The following ZNF446 variants were observed in gnomAD, a reference collection of about 807,000 sequenced individuals.
ZNF446 encodes the protein zinc finger protein with KRAB and SCAN domains 20.
ZNF446 carries 42 observed loss-of-function variants against 34.0 expected under a neutral mutation model. That is an observed-to-expected ratio of 1.23 (90% CI 0.96 to 1.60). The LOEUF (loss-of-function observed/expected upper bound fraction) is 1.60, where lower values mean the gene tolerates loss of function less well. ZNF446 is among the 40% of genes most tolerant of loss of function. The pLI is 0.00. For synonymous variants in ZNF446, 315 were observed against 251.0 expected, an observed-to-expected ratio of 1.25 and a Z score of -2.41; for missense variants, 650 against 600.2, an observed-to-expected ratio of 1.08 and a Z score of -0.87.
In ZNF446 at chr19:58,477,803, C is replaced by A; in HGVS notation, c.509C>A (p.Pro170His). The A allele has an allele frequency of 6.3e-7, 1 of 1,575,448 alleles. No homozygotes were observed. The highest frequency in any genetic ancestry group is 8.6e-7 in the Non-Finnish European group (1 of 1,163,090). ...CTCAGCTGCAGTGTGAAGGAGGAGC[C>A]CAATGTCGATGGACAGGAAGTGGGT... Reference protein sequence around the residue: ...VQLSCSVKEEPNVDGQEVAPS... With the variant: ...VQLSCSVKEEHNVDGQEVAPS... Residue 170 changes from proline to histidine, a missense_variant, in exon 3 of 7, where the codon CCC becomes CAC. Physicochemically the swap from Pro to His is moderately conservative, Grantham distance 77. Coordinates refer to ENST00000594369, the MANE Select transcript of ZNF446 (RefSeq NM_017908.4).
Position 58,480,190 on chromosome 19 carries a change from G to A in ZNF446, c.817G>A (p.Gly273Ser). 1 of 1,594,656 alleles carries A rather than the reference G, an allele frequency of 6.3e-7. No homozygotes were observed. The highest frequency in any genetic ancestry group is 8.5e-7 in the Non-Finnish European group (1 of 1,177,822). The change falls in exon 7 of 7, where the codon GGT becomes AGT. Residue 273 changes from glycine (G) to serine (S), a missense_variant. By Grantham distance (56) the Gly-to-Ser change is moderately conservative. Coordinates refer to ENST00000594369, the MANE Select transcript of ZNF446 (RefSeq NM_017908.4). This position sits in a 1 kb window ranked among gnomAD's most constrained non-coding sequence, Gnocchi z 7.2. ...RSLRSGNESE[G>S]PPGCPEAQPP... The stretch of plus-strand genomic sequence containing the variant: ...CCTGCCCCCAGGAAATGAGAGTGAG[G>A]GTCCACCTGGCTGCCCAGAGGCCCA...
At chr19:58,486,240 G>A in the ZNF446 span, among the ~76,000 whole-genome samples, 2 of 150,430 alleles carry the variant, frequency 1.3e-5, no homozygotes, top group East Asian at 2.0e-4. Context: ...CTACAGGCAC[G>A]TGCCACCACG....
chr19:58,477,311 G>A lies in ZNF446; in HGVS notation c.93G>A (p.Gly31=), dbSNP rs753393525. ...AGACTGCCCGCCTCCGCTTCCGAGG[G>A]TTCTGCTACCAGGAGGTGGCAGGTC... The part of the protein sequence containing the change: ...EPETARLRFR[G]FCYQEVAGPR... The change falls in exon 2 of 7, where the codon GGG becomes GGA. Residue 31 remains glycine (G), a synonymous_variant. Coordinates refer to ENST00000594369, the MANE Select transcript of ZNF446 (RefSeq NM_017908.4). 5 of 1,613,260 alleles carry A rather than the reference G, an allele frequency of 3.1e-6. No homozygotes were observed. The highest frequency in any genetic ancestry group is 4.2e-6 in the Non-Finnish European group (5 of 1,179,978).
At chr19:58,481,949 A>T (rs976588874), downstream of ZNF446, among the ~76,000 whole-genome samples, 1 of 151,788 alleles carries the variant, frequency 6.6e-6, no homozygotes, top group Non-Finnish European at 1.5e-5. Context: ...ACCCGCCACC[A>T]CGCCCGGCTA....
intron 1 of ZNF446, among the ~76,000 whole-genome samples, 154 bp from the exon 2 acceptor site, chr19:58,477,025 T>C (rs1349252986): frequency 6.6e-6 from 1 of 152,134 alleles, no homozygotes; most frequent in East Asian, 1.9e-4. Context: ...TTGGGTCCTG[T>C]GACCCTCCTC....
At chr19:58,481,855 A>G (rs2053142593), downstream of ZNF446, among the ~76,000 whole-genome samples, 3 of 152,106 alleles carry the variant, frequency 2.0e-5, no homozygotes, top group Admixed American at 6.5e-5. Flanking sequence ...GTGCGGTGGC[A>G]CAATCTCGGC....
At chr19:58,486,003 A>C (rs1210498963), downstream of ZNF446, among the ~76,000 whole-genome samples, 1 of 149,946 alleles carries the variant, frequency 6.7e-6, no homozygotes, top group African/African-American at 2.5e-5. Context: ...TGCAGCCTTG[A>C]CCTCCTGGGC....
downstream of ZNF446, among the ~76,000 whole-genome samples, chr19:58,485,786 C>T (rs2053165632): frequency 6.6e-6 from 1 of 152,100 alleles, no homozygotes; most frequent in African/African-American, 2.4e-5. Context: ...CAATATGTTG[C>T]TCAGCCTAGT....
Position 58,477,434 on chromosome 19 carries a change from G to A in ZNF446, c.216G>A (p.Glu72=), listed in dbSNP as rs1230433610. The change falls in exon 2 of 7, where the codon GAG becomes GAA. Residue 72 remains glutamate (E), a synonymous_variant. Transcript: ENST00000594369. Reference sequence around the variant, plus strand: ...AGATGCTGGAGATGCTGGTGCTGGAGCAGTTCCTGGGCACACTGCCTCCCG... The same window carrying A: ...AGATGCTGGAGATGCTGGTGCTGGAACAGTTCCTGGGCACACTGCCTCCCG... ...KEQMLEMLVL[E]QFLGTLPPEI... 7 of 1,613,546 alleles carry A rather than the reference G, an allele frequency of 4.3e-6. No individual in the cohort carries two copies. Among genetic ancestry groups the A allele is most frequent in the Non-Finnish European group, 5.9e-6 (7 of 1,180,032 alleles).
the ZNF446 span, among the ~76,000 whole-genome samples, chr19:58,486,716 T>TGG: frequency 4.6e-5 from 5 of 107,776 alleles, no homozygotes; most frequent in African/African-American, 2.3e-4. Context: ...GCTTTTTTTT[T>TGG]TGGGGGGGGG....
rs546334844 is a variant in ZNF446 at position 58,481,034 on chromosome 19, A to G, written c.*308A>G. ...CCTCCCTGTGACATGGCCTGGGCTGACAACACTCCCTCTCCTGGGACCTCC... is the reference window on the plus strand; with the variant it reads ...CCTCCCTGTGACATGGCCTGGGCTGGCAACACTCCCTCTCCTGGGACCTCC... On this transcript the variant is annotated 3_prime_UTR_variant, in exon 7 of 7. Transcript: ENST00000594369. The G allele has an allele frequency of 2.0e-5, 8 of 394,522 alleles. No individual in the cohort carries two copies. The South Asian group carries it at 2.8e-4, about 14-fold the overall frequency. The allele number at this position is 394,522 out of a possible 1,614,324, so 24.4% of individuals were successfully genotyped here. A position where few individuals can be genotyped will look rare whatever the true frequency, so the allele number is the denominator to read the frequency against.
chr19:58,477,474 G>A lies in ZNF446; in HGVS notation c.256G>A (p.Val86Met). The change falls in exon 2 of 7, where the codon GTG becomes ATG. Residue 86 changes from valine to methionine, a missense_variant. By Grantham distance (21) the Val-to-Met change is conservative. Transcript: ENST00000594369. ...ACTGCCTCCCGAGATCCAGGCCTGG[G>A]TGCGCGGTCAGCGGCCAGGCAGTCC... ...GTLPPEIQAWVRGQRPGSPEE... is the reference protein window; with the variant it reads ...GTLPPEIQAWMRGQRPGSPEE... 1 of 1,613,678 alleles carries A rather than the reference G, an allele frequency of 6.2e-7. No homozygotes were observed. Among genetic ancestry groups the A allele is most frequent in the Non-Finnish European group, 8.5e-7 (1 of 1,180,016 alleles).
chr19:58,488,860 AAAAAC>A, the ZNF446 span, among the ~76,000 whole-genome samples: 1,074 of 151,208 alleles, frequency 7.1e-3, 18 homozygotes, highest in African/African-American at 0.024. Flanking sequence ...AAAAAAAAAA[AAAAAC>A]AAAAAAATAC....
At position 58,480,325 on chromosome 19, in the gene ZNF446, G is replaced by A. The variant is rs1167862255; in HGVS notation, c.952G>A (p.Ala318Thr). The part of the protein sequence containing the change: ...TPPVPTQPTP[A>T]ETRLEPAATP... ...GCCAGTGCCCACTCAGCCCACACCT[G>A]CAGAGACGAGACTGGAGCCGGCTGC... The change falls in exon 7 of 7, where the codon GCA (alanine) becomes ACA (threonine). Residue 318 changes from alanine (A) to threonine (T), a missense_variant. Physicochemically the swap from Ala to Thr is moderately conservative, Grantham distance 58. Transcript: ENST00000594369. The surrounding 1 kb of genome is among the most constrained non-coding windows in gnomAD (Gnocchi z 7.2). 1.9e-6 allele frequency: 3 copies of A among 1,587,568 alleles called. No individual in the cohort carries two copies. Among genetic ancestry groups the A allele is most frequent in the Non-Finnish European group, 2.6e-6 (3 of 1,167,952 alleles).
chr19:58,485,946 G>C (rs1202879330), downstream of ZNF446, among the ~76,000 whole-genome samples: 2 of 152,064 alleles, frequency 1.3e-5, no homozygotes, highest in African/African-American at 4.8e-5. Flanking sequence ...TTGAGACAGA[G>C]TCTCGCTCTG....
In ZNF446 at chr19:58,477,785, G is replaced by A. The variant is rs951369405; in HGVS notation, c.491G>A (p.Cys164Tyr). The change falls in exon 3 of 7, where the codon TGC (cysteine) becomes TAC (tyrosine). Residue 164 changes from cysteine to tyrosine, a missense_variant. By Grantham distance (194) the Cys-to-Tyr change is radical. Coordinates refer to ENST00000594369, the MANE Select transcript of ZNF446 (RefSeq NM_017908.4). ...TRIEGSVQLS[C>Y]SVKEEPNVDG... ...ATAGAGGGGTCTGTCCAGCTCAGCT[G>A]CAGTGTGAAGGAGGAGCCCAATGTC... The A allele has an allele frequency of 2.5e-6, 4 of 1,596,870 alleles. No individual in the cohort carries two copies. The Admixed American group carries it at 5.3e-5, about 21-fold the overall frequency.
chr19:58,482,553 G>A (rs2053147762), downstream of ZNF446, among the ~76,000 whole-genome samples: 2 of 152,212 alleles, frequency 1.3e-5, no homozygotes, highest in Non-Finnish European at 2.9e-5. Context: ...ACAAGTCGCA[G>A]GTGGATGTTG....
chr19:58,486,862 G>A, the ZNF446 span, among the ~76,000 whole-genome samples: 4 of 151,542 alleles, frequency 2.6e-5, no homozygotes, highest in Admixed American at 6.6e-5. Context: ...GAGTGCAGTG[G>A]TGCGATCTTG....
Position 58,480,501 on chromosome 19 carries a change from A to T in ZNF446, c.1128A>T (p.Gln376His), listed in dbSNP as rs754123738. 1 of 1,612,836 alleles carries T rather than the reference A, an allele frequency of 6.2e-7. No individual in the cohort carries two copies. The highest frequency in any genetic ancestry group is 8.5e-7 in the Non-Finnish European group (1 of 1,179,814). Residue 376 changes from glutamine to histidine, a missense_variant, in exon 7 of 7, where the codon CAA becomes CAT. Coordinates refer to ENST00000594369, the MANE Select transcript of ZNF446 (RefSeq NM_017908.4). This position sits in a 1 kb window ranked among gnomAD's most constrained non-coding sequence, Gnocchi z 7.2. ...GGGAAAGCACAGAGAAGCCACCACA[A>T]GGGGAGGTGGCCTTTCCGCACCACC... Reference protein sequence around the residue: ...ATGESTEKPPQGEVAFPHHPR... With the variant: ...ATGESTEKPPHGEVAFPHHPR...
Sources: gnomAD v4.1 joint callset for allele counts (sites outside exome capture counted in the v4.1 genomes callset) on GRCh38, gnomAD v4.1.1 for gene constraint, Gnocchi (gnomAD v3.1) non-coding constraint, MANE v1.5 for transcripts, NCBI Gene and HGNC (gene_info 2026-07-23, HGNC 2026-07-21) for gene names.